The following SCHIP1 variants were observed in gnomAD, a reference collection of about 807,000 sequenced individuals.
SCHIP1 encodes schwannomin interacting protein 1, also known as schwannomin-interacting protein 1.
SCHIP1 carries 8 observed loss-of-function variants against 29.7 expected under a neutral mutation model. The ratio of observed to expected loss-of-function variants is 0.27; its 90% CI spans 0.16 to 0.49. The LOEUF (loss-of-function observed/expected upper bound fraction) is 0.49, where lower values mean the gene tolerates loss of function less well. Among genes scored for constraint, SCHIP1 ranks in the 20% least tolerant of loss-of-function variants. The pLI is 0.99. For missense variants in SCHIP1, 193 were observed against 294.6 expected (o/e 0.66, Z 2.52); for synonymous variants, 76 against 94.9 (o/e 0.80, Z 1.16).
the SCHIP1 span, among the ~76,000 whole-genome samples, chr3:159,655,562 T>C: frequency 1.3e-5 from 2 of 152,068 alleles, no homozygotes; most frequent in African/African-American, 2.4e-5. Flanking sequence ...GATAGGAATG[T>C]TACCAAGAGA....
the SCHIP1 span, among the ~76,000 whole-genome samples, chr3:159,395,319 T>C: frequency 6.6e-6 from 1 of 152,238 alleles, no homozygotes; most frequent in Non-Finnish European, 1.5e-5. Context: ...CTCTATTTCC[T>C]TCAGTTCTGC....
At chr3:159,629,120 A>G in the SCHIP1 span, among the ~76,000 whole-genome samples, 1 of 151,804 alleles carries the variant, frequency 6.6e-6, no homozygotes, top group Non-Finnish European at 1.5e-5. Flanking sequence ...GTAACTCATC[A>G]AGTTACTTGA....
the SCHIP1 span, among the ~76,000 whole-genome samples, chr3:159,315,527 G>A: frequency 6.6e-6 from 1 of 150,860 alleles, no homozygotes; most frequent in Non-Finnish European, 1.5e-5. Flanking sequence ...AAGTATAGTA[G>A]TATCACATTG....
chr3:159,634,382 T>C, the SCHIP1 span, among the ~76,000 whole-genome samples: 1 of 152,202 alleles, frequency 6.6e-6, no homozygotes, highest in Admixed American at 6.5e-5. Context: ...CAAATATTTA[T>C]TTTTAAACCA....
chr3:159,850,414 C>T (rs973811895), intron 1 of SCHIP1, among the ~76,000 whole-genome samples: 24 of 151,922 alleles, frequency 1.6e-4, no homozygotes, highest in African/African-American at 4.3e-4. Context: ...ATTAGCTGGG[C>T]GTGGTGGCGG....
At chr3:159,389,621 GAAC>G in the SCHIP1 span, among the ~76,000 whole-genome samples, 67 of 152,092 alleles carry the variant, frequency 4.4e-4, no homozygotes, top group African/African-American at 1.4e-3. Flanking sequence ...GAAAAAAATG[GAAC>G]AATAATGTTG....
the SCHIP1 span, among the ~76,000 whole-genome samples, chr3:159,415,995 A>G: frequency 6.7e-6 from 1 of 150,250 alleles, no homozygotes; most frequent in Non-Finnish European, 1.5e-5. Context: ...AAAGGTGCTG[A>G]TCAGAGTATA....
intron 1 of SCHIP1, among the ~76,000 whole-genome samples, chr3:159,848,367 A>G (rs1712125527): frequency 6.6e-6 from 1 of 152,188 alleles, no homozygotes; most frequent in African/African-American, 2.4e-5. Flanking sequence ...TCCCCATAGA[A>G]GGATAGGAGT....
the SCHIP1 span, among the ~76,000 whole-genome samples, chr3:159,467,830 A>C: frequency 6.6e-6 from 1 of 152,130 alleles, no homozygotes; most frequent in Non-Finnish European, 1.5e-5. Flanking sequence ...TGTTGAACTA[A>C]ATTGAGTGAT....
At chr3:159,646,967 T>C in the SCHIP1 span, among the ~76,000 whole-genome samples, 1 of 152,006 alleles carries the variant, frequency 6.6e-6, no homozygotes, top group Non-Finnish European at 1.5e-5. Flanking sequence ...TGGATATCCA[T>C]GTAGATCTGG....
At chr3:159,625,414 G>A in the SCHIP1 span, among the ~76,000 whole-genome samples, 3 of 152,070 alleles carry the variant, frequency 2.0e-5, no homozygotes, top group African/African-American at 7.2e-5. Flanking sequence ...GAAGCTTATG[G>A]GGACCAGTTC....
At chr3:159,431,605 G>A in the SCHIP1 span, among the ~76,000 whole-genome samples, 2 of 152,000 alleles carry the variant, frequency 1.3e-5, no homozygotes, top group Non-Finnish European at 2.9e-5. Context: ...CAATGAAAAG[G>A]AGTAGGTATC....
the SCHIP1 span, chr3:159,273,704 A>G: frequency 6.6e-7 from 1 of 1,504,382 alleles, no homozygotes; most frequent in Non-Finnish European, 8.9e-7. Flanking sequence ...TGTGTTATAG[A>G]AATTTTTTAG....
At chr3:159,536,411 G>T in the SCHIP1 span, among the ~76,000 whole-genome samples, 1 of 152,146 alleles carries the variant, frequency 6.6e-6, no homozygotes, top group Admixed American at 6.6e-5. Flanking sequence ...ATGGAAATTA[G>T]CCAGTCAGCT....
At chr3:159,563,468 T>C in the SCHIP1 span, among the ~76,000 whole-genome samples, 1 of 152,114 alleles carries the variant, frequency 6.6e-6, no homozygotes, top group African/African-American at 2.4e-5. Context: ...GATTTATATG[T>C]TTTATAAATT....
chr3:159,719,994 A>G, the SCHIP1 span, among the ~76,000 whole-genome samples: 1 of 152,188 alleles, frequency 6.6e-6, no homozygotes, highest in Non-Finnish European at 1.5e-5. Flanking sequence ...ATGTCCATCA[A>G]TGATAGACTG....
chr3:159,701,539 A>T, the SCHIP1 span, among the ~76,000 whole-genome samples: 532 of 152,314 alleles, frequency 3.5e-3, 5 homozygotes, highest in African/African-American at 0.012. Flanking sequence ...ATATTTAAAC[A>T]TTTATTTTCC....
chr3:159,886,672 G>A (rs1716990351), intron 3 of SCHIP1: 1 of 224,440 alleles, frequency 4.5e-6, no homozygotes, highest in Non-Finnish European at 8.9e-6. Context: ...GGGAGGATCA[G>A]CTGAGCCCAG....
the SCHIP1 span, among the ~76,000 whole-genome samples, chr3:159,720,027 T>C: frequency 6.6e-6 from 1 of 152,128 alleles, no homozygotes; most frequent in Non-Finnish European, 1.5e-5. Context: ...GTGGCACATA[T>C]ACACCATGGA....
Sources: gnomAD v4.1 joint callset for allele counts (sites outside exome capture counted in the v4.1 genomes callset) on GRCh38, gnomAD v4.1.1 for gene constraint, MANE v1.5 for transcripts, NCBI Gene and HGNC (gene_info 2026-07-23, HGNC 2026-07-21) for gene names.